TMEM117: variants seen among roughly 807,000 people sequenced by gnomAD.
TMEM117 encodes transmembrane protein 117.
Under a neutral mutation model 52.4 loss-of-function variants are expected in TMEM117, and 27 were observed. The ratio of observed to expected loss-of-function variants is 0.51; its 90% CI spans 0.38 to 0.71. The LOEUF (loss-of-function observed/expected upper bound fraction) is 0.71. TMEM117 is among the 30% of genes least tolerant of loss of function. The pLI, the probability that TMEM117 is intolerant of heterozygous loss-of-function variation, is 0.00. For synonymous variants in TMEM117, 215 were observed against 206.3 expected (o/e 1.04, Z -0.36); for missense variants, 556 against 630.5 (o/e 0.88, Z 1.26).
intron 5 of TMEM117, among the ~76,000 whole-genome samples, chr12:44,257,656 A>G (rs1450196157): frequency 6.6e-6 from 1 of 152,128 alleles, no homozygotes; most frequent in Non-Finnish European, 1.5e-5. Context: ...TTGGCATCCT[A>G]AAGCCAAATC....
At chr12:44,220,151 A>G (rs180970161) in intron 5 of TMEM117, among the ~76,000 whole-genome samples, 3 of 152,284 alleles carry the variant, frequency 2.0e-5, no homozygotes, top group East Asian at 3.9e-4. Context: ...AATTTTAAGA[A>G]TTAATATGAA....
intron 5 of TMEM117, among the ~76,000 whole-genome samples, 171 bp downstream of exon 5, chr12:44,211,558 T>C (rs1267744178): frequency 6.6e-6 from 1 of 152,192 alleles, no homozygotes; most frequent in African/African-American, 2.4e-5. Flanking sequence ...AATTTCTTCT[T>C]ACATATTGTG....
At chr12:44,114,067 C>A (rs369691409) in intron 3 of TMEM117, among the ~76,000 whole-genome samples, 1 of 141,668 alleles carries the variant, frequency 7.1e-6, no homozygotes, top group Non-Finnish European at 1.6e-5. Flanking sequence ...TGCTTCGGCT[C>A]GCGCACGGTG....
chr12:44,059,609 A>G (rs1165909292), intron 3 of TMEM117, among the ~76,000 whole-genome samples: 1 of 152,212 alleles, frequency 6.6e-6, no homozygotes, highest in Non-Finnish European at 1.5e-5. Context: ...GACATTGAAG[A>G]AATAAGGCAT....
At chr12:43,863,295 G>A (rs1017620635) in intron 2 of TMEM117, among the ~76,000 whole-genome samples, 3 of 148,458 alleles carry the variant, frequency 2.0e-5, no homozygotes, top group East Asian at 2.0e-4. Context: ...AAACTTCAAG[G>A]AAGTTAATGG....
chr12:44,253,835 T>TACAC (rs10565033), intron 5 of TMEM117, among the ~76,000 whole-genome samples: 5,560 of 136,232 alleles, frequency 0.041, 163 homozygotes, highest in Admixed American at 0.1. Flanking sequence ...TGATAATTCC[T>TACAC]ACACACACAC....
At chr12:43,941,502 AC>A (rs1448874759) in intron 2 of TMEM117, among the ~76,000 whole-genome samples, 1 of 152,220 alleles carries the variant, frequency 6.6e-6, no homozygotes, top group African/African-American at 2.4e-5. Flanking sequence ...TTTCCATCTG[AC>A]ATCCTCAGGC....
At chr12:44,198,533 G>A (rs1327764450) in intron 4 of TMEM117, among the ~76,000 whole-genome samples, 1 of 152,100 alleles carries the variant, frequency 6.6e-6, no homozygotes, top group East Asian at 1.9e-4. Flanking sequence ...TTAACATTCT[G>A]TGTACATAGG....
intron 3 of TMEM117, among the ~76,000 whole-genome samples, chr12:44,030,840 A>G (rs541295210): frequency 1.5e-3 from 235 of 152,342 alleles, no homozygotes; most frequent in African/African-American, 3.9e-3. Context: ...AGTTAATTAT[A>G]AAAGAAATTC....
At chr12:44,261,837 A>T (rs552144735) in intron 5 of TMEM117, among the ~76,000 whole-genome samples, 27 of 152,238 alleles carry the variant, frequency 1.8e-4, no homozygotes, top group Non-Finnish European at 3.7e-4. Context: ...AAAGCAAGCC[A>T]GGAAGCCCTT....
At chr12:44,079,568 T>C (rs1947445285) in intron 3 of TMEM117, among the ~76,000 whole-genome samples, 1 of 152,204 alleles carries the variant, frequency 6.6e-6, no homozygotes, top group East Asian at 1.9e-4. Context: ...TTGTTTGTTT[T>C]TTTCTTGTAA....
intron 3 of TMEM117, among the ~76,000 whole-genome samples, chr12:44,102,250 A>T (rs762688331): frequency 1.3e-5 from 2 of 151,998 alleles, no homozygotes; most frequent in Non-Finnish European, 2.9e-5. Flanking sequence ...TGCTGTAAGG[A>T]ACATTTCCCA....
intron 3 of TMEM117, among the ~76,000 whole-genome samples, chr12:43,954,883 A>G (rs1945282467): frequency 6.6e-6 from 1 of 152,226 alleles, no homozygotes; most frequent in Non-Finnish European, 1.5e-5. Flanking sequence ...AAAATTCACA[A>G]TAAAATATTG....
At chr12:43,958,850 T>A (rs565237458) in intron 3 of TMEM117, among the ~76,000 whole-genome samples, 61 of 152,138 alleles carry the variant, frequency 4.0e-4, no homozygotes, top group Admixed American at 2.0e-3. Context: ...TCTGTCGCCC[T>A]GGCTGGAGTG....
chr12:44,152,681 TATA>T lies in TMEM117; in HGVS notation c.510+9061_510+9063del, dbSNP rs988023526. On this transcript the variant is annotated intron_variant, in intron 4 of 7. Coordinates refer to ENST00000266534, the MANE Select transcript of TMEM117 (RefSeq NM_032256.3). ...TTATATCATATATAATTTTTATATATATAATATTTATATATAAATTTTTATATA... is the reference window on the plus strand; with the variant it reads ...TTATATCATATATAATTTTTATATATATATTTATATATAAATTTTTATATA... Among the ~76,000 whole-genome samples, 49 of 133,534 alleles carry T rather than the reference TATA, an allele frequency of 3.7e-4. 1 individual carries two copies. In the Middle Eastern group the frequency reaches 0.013, roughly 34 times the overall value. The allele number at this position is 133,534 out of a possible 152,430, so 87.6% of individuals were successfully genotyped here.
At chr12:44,342,640 C>CA (rs1205448518) in intron 6 of TMEM117, among the ~76,000 whole-genome samples, 5,541 of 84,414 alleles carry the variant, frequency 0.066, 308 homozygotes, top group African/African-American at 0.16. Flanking sequence ...GCTGATTAGT[C>CA]AAAAAAAAAA....
chr12:44,167,829 T>C (rs1324011652), intron 4 of TMEM117, among the ~76,000 whole-genome samples: 1 of 152,160 alleles, frequency 6.6e-6, no homozygotes, highest in Non-Finnish European at 1.5e-5. Flanking sequence ...CTGCATTACA[T>C]AGTGCAGCTC....
intron 3 of TMEM117, among the ~76,000 whole-genome samples, chr12:44,039,354 A>G (rs1946761880): frequency 6.7e-6 from 1 of 150,134 alleles, no homozygotes; most frequent in South Asian, 2.1e-4. Context: ...TAGTAAATTA[A>G]TACTATATAT....
At chr12:44,303,217 A>G (rs1265016520) in intron 6 of TMEM117, among the ~76,000 whole-genome samples, 1 of 144,384 alleles carries the variant, frequency 6.9e-6, no homozygotes, top group Non-Finnish European at 1.5e-5. Context: ...CTAATTTTGT[A>G]TTTTTTTTTT....
Sources: gnomAD v4.1 joint callset for allele counts (sites outside exome capture counted in the v4.1 genomes callset) on GRCh38, gnomAD v4.1.1 for gene constraint, MANE v1.5 for transcripts, NCBI Gene and HGNC (gene_info 2026-07-23, HGNC 2026-07-21) for gene names.